Variants in ASIC2 observed in about 807,000 individuals in gnomAD.
ASIC2 encodes the protein acid sensing ion channel subunit 2.
Under a neutral mutation model 57.3 loss-of-function variants are expected in ASIC2, and 25 were observed. The observed-to-expected ratio is 0.44, with a 90% CI of 0.32 to 0.61. The LOEUF (loss-of-function observed/expected upper bound fraction) is 0.61. Ranked by LOEUF, ASIC2 falls within the 20% of genes least tolerant of loss-of-function variation. The pLI, the probability that ASIC2 is intolerant of heterozygous loss-of-function variation, is 0.06. For missense variants in ASIC2, 641 were observed against 738.1 expected (o/e 0.87, Z 1.52); for synonymous variants, 319 against 307.5 (o/e 1.04, Z -0.39).
chr17:33,551,262 T>C (rs7221944), intron 1 of ASIC2, among the ~76,000 whole-genome samples: 86,088 of 151,950 alleles, frequency 0.57, 25,559 homozygotes, highest in African/African-American at 0.75. Context: ...GAGAGTGTTG[T>C]GCAATTAGGT....
At chr17:33,655,303 G>A (rs1280390088) in intron 1 of ASIC2, among the ~76,000 whole-genome samples, 4 of 152,190 alleles carry the variant, frequency 2.6e-5, no homozygotes, top group Non-Finnish European at 4.4e-5. Flanking sequence ...CCTTGCACAT[G>A]GTCATTGCTT....
chr17:33,742,954 G>A (rs1348905881), intron 1 of ASIC2, among the ~76,000 whole-genome samples: 2 of 152,148 alleles, frequency 1.3e-5, no homozygotes, highest in South Asian at 2.1e-4. Flanking sequence ...GAGATTCTAC[G>A]TATTTTTCCA....
rs190771231 is a variant in ASIC2, at chr17:33,787,264, A to G, written c.555+368714T>C. Reference sequence around the variant, plus strand: ...CCCCAGAGGTCCCAGAGCTATTACTACCTTTTTGGAGGCAGTCTTTGTTAC... The same window carrying G: ...CCCCAGAGGTCCCAGAGCTATTACTGCCTTTTTGGAGGCAGTCTTTGTTAC... On this transcript the variant is annotated intron_variant, in intron 1 of 9. Coordinates refer to the ASIC2 transcript ENST00000359872. 3.5e-3 allele frequency among the ~76,000 whole-genome samples: 532 copies of G among 152,280 alleles called. 3 individuals carry two copies. Among genetic ancestry groups the G allele is most frequent in the Non-Finnish European group, 6.0e-3 (410 of 68,018 alleles).
chr17:33,635,325 C>G (rs904846296), intron 1 of ASIC2, among the ~76,000 whole-genome samples: 29 of 152,240 alleles, frequency 1.9e-4, no homozygotes, highest in Admixed American at 2.6e-4. Context: ...TCATTTAACA[C>G]TACAGTCATT....
chr17:33,623,748 G>T (rs1905886368), intron 1 of ASIC2, among the ~76,000 whole-genome samples: 1 of 152,028 alleles, frequency 6.6e-6, no homozygotes, highest in South Asian at 2.1e-4. Flanking sequence ...TTGTAGTCAT[G>T]TGCATAACAT....
At chr17:33,976,797 C>G (rs1905404226) in intron 1 of ASIC2, 1 of 151,998 alleles carries the variant, frequency 6.6e-6, no homozygotes, top group Non-Finnish European at 1.5e-5. Flanking sequence ...TGCTGTGATA[C>G]CCTTAAACAT....
intron 1 of ASIC2, among the ~76,000 whole-genome samples, chr17:33,252,952 C>A (rs985132739): frequency 1.3e-5 from 2 of 152,178 alleles, no homozygotes; most frequent in African/African-American, 4.8e-5. Context: ...GAACCCAGAT[C>A]CACCTGGATT....
At chr17:33,780,961 A>G (rs1911433798) in intron 1 of ASIC2, among the ~76,000 whole-genome samples, 1 of 152,152 alleles carries the variant, frequency 6.6e-6, no homozygotes. Context: ...GTGATAAGTT[A>G]ATGTGTGTGA....
chr17:33,024,028 T>C lies in ASIC2; in HGVS notation c.1196-14A>G. 1 of 1,611,806 alleles carries C rather than the reference T, an allele frequency of 6.2e-7. No homozygotes were observed. The highest frequency in any genetic ancestry group is 8.5e-7 in the Non-Finnish European group (1 of 1,179,448). ...CCGCCAACAGACCTGGAGGGGAGAG[T>C]GAGGTGGGGCTTAGTCAGGTGTGGG... is the stretch of plus-strand genomic sequence containing the variant. On this transcript the variant is annotated splice_polypyrimidine_tract_variant and intron_variant, in intron 5 of 9. Transcript: ENST00000225823.
At chr17:33,131,905 G>A (rs1015884110) in intron 1 of ASIC2, among the ~76,000 whole-genome samples, 7 of 152,136 alleles carry the variant, frequency 4.6e-5, no homozygotes, top group Non-Finnish European at 8.8e-5. Context: ...GACACACAGT[G>A]GGGAGGGGAA....
intron 1 of ASIC2, among the ~76,000 whole-genome samples, chr17:34,027,442 A>T (rs557521595): frequency 6.6e-6 from 1 of 151,852 alleles, no homozygotes; most frequent in Admixed American, 6.6e-5. Flanking sequence ...CCCCCCTATA[A>T]CCATTTAGTT....
intron 1 of ASIC2, among the ~76,000 whole-genome samples, chr17:33,356,865 C>G (rs1908400657): frequency 6.6e-6 from 1 of 152,038 alleles, no homozygotes; most frequent in Non-Finnish European, 1.5e-5. Flanking sequence ...TTGCTCACTG[C>G]TGCTGCTGCA....
At chr17:33,352,872 TTC>T (rs1348093133) in intron 1 of ASIC2, among the ~76,000 whole-genome samples, 4 of 152,118 alleles carry the variant, frequency 2.6e-5, no homozygotes, top group Non-Finnish European at 5.9e-5. Context: ...GCCCCTTACC[TTC>T]TCTTTCCCAT....
intron 1 of ASIC2, among the ~76,000 whole-genome samples, chr17:33,208,719 G>A (rs927426252): frequency 2.0e-5 from 3 of 151,934 alleles, no homozygotes; most frequent in African/African-American, 7.3e-5. Flanking sequence ...TATGTAAAAT[G>A]CAGGATCTAT....
At chr17:33,929,939 T>G (rs1915896041) in intron 1 of ASIC2, among the ~76,000 whole-genome samples, 1 of 152,258 alleles carries the variant, frequency 6.6e-6, no homozygotes, top group Non-Finnish European at 1.5e-5. Context: ...AAGCTACTTC[T>G]TGGTCTCCAC....
At chr17:33,156,601 C>G (rs930519588) in intron 1 of ASIC2, among the ~76,000 whole-genome samples, 2 of 151,458 alleles carry the variant, frequency 1.3e-5, no homozygotes, top group African/African-American at 4.9e-5. Flanking sequence ...AATAAAAATA[C>G]AAAAATTAGC....
At chr17:33,825,682 A>G (rs766022094) in intron 1 of ASIC2, among the ~76,000 whole-genome samples, 2 of 152,178 alleles carry the variant, frequency 1.3e-5, no homozygotes, top group African/African-American at 2.4e-5. Context: ...TCTAAAATTC[A>G]CAAGCACTTA....
chr17:33,595,035 C>T (rs1334328802), intron 1 of ASIC2, among the ~76,000 whole-genome samples: 1 of 151,946 alleles, frequency 6.6e-6, no homozygotes, highest in Non-Finnish European at 1.5e-5. Flanking sequence ...GCCTGGGAAA[C>T]ATAGCGAGAC....
intron 3 of ASIC2, among the ~76,000 whole-genome samples, chr17:33,079,345 G>C (rs1187007674): frequency 1.3e-5 from 2 of 152,164 alleles, no homozygotes; most frequent in African/African-American, 2.4e-5. Flanking sequence ...ACACATACAA[G>C]TGAGGTGATG....
Sources: allele counts gnomAD v4.1 joint callset (sites outside exome capture counted in the v4.1 genomes callset), GRCh38; gene constraint gnomAD v4.1.1; transcripts MANE v1.5; gene names NCBI Gene and HGNC (gene_info 2026-07-23, HGNC 2026-07-21).